Variants in RYR2 observed in about 807,000 individuals in gnomAD.
RYR2 encodes the protein ryanodine receptor 2, also known as cardiac muscle ryanodine receptor-calcium release channel.
Under a neutral mutation model 601.1 loss-of-function variants are expected in RYR2, and 227 were observed. That is an observed-to-expected ratio of 0.38 (90% confidence interval 0.34 to 0.42). RYR2 has a LOEUF of 0.42. Among genes scored for constraint, RYR2 ranks in the 10% least tolerant of loss-of-function variants. RYR2 has a pLI of 1.00. For missense variants in RYR2, 4,646 were observed against 6,156.5 expected (o/e 0.75, Z 8.21); for synonymous variants, 2,223 against 2,175.1 (o/e 1.02, Z -0.61).
chr1:237,134,402 C>T lies in RYR2; in HGVS notation c.48+91833C>T, dbSNP rs142674570. ...CAGTTCCACGTGGCTGGGGAGGCCC[C>T]ACAGTCATGGCGGAAGAGCAAGGGA... On this transcript the variant is annotated intron_variant, in intron 1 of 104. Coordinates refer to ENST00000366574, the MANE Select transcript of RYR2 (RefSeq NM_001035.3). 2.3e-3 allele frequency among the ~76,000 whole-genome samples: 344 copies of T among 152,230 alleles called. 2 individuals carry two copies. The highest frequency in any genetic ancestry group is 6.9e-3 in the African/African-American group (288 of 41,552).
At chr1:237,347,167 T>TA (rs1326953686) in intron 3 of RYR2, among the ~76,000 whole-genome samples, 2 of 151,756 alleles carry the variant, frequency 1.3e-5, no homozygotes, top group Non-Finnish European at 1.5e-5. Flanking sequence ...ACAAAAAATT[T>TA]AAAAAACTAG....
chr1:237,761,719 A>T (rs1693450763), intron 84 of RYR2, among the ~76,000 whole-genome samples: 2 of 152,172 alleles, frequency 1.3e-5, no homozygotes, highest in Admixed American at 6.5e-5. Flanking sequence ...TATTAAGAAA[A>T]AAATCTTCAG....
chr1:237,195,732 A>G (rs1419745608), intron 1 of RYR2, among the ~76,000 whole-genome samples: 1 of 152,156 alleles, frequency 6.6e-6, no homozygotes, highest in Non-Finnish European at 1.5e-5. Context: ...TGGGTTAGCT[A>G]TTTGTCCCCT....
chr1:237,674,697 A>C (rs953028946), intron 59 of RYR2, 34 bp from the exon 60 acceptor site: 2 of 1,235,186 alleles, frequency 1.6e-6, no homozygotes, highest in African/African-American at 3.0e-5. Flanking sequence ...GCTTTGTACA[A>C]ATTGCTTTCC....
At chr1:237,268,051 CT>C (rs1171416395) in intron 1 of RYR2, among the ~76,000 whole-genome samples, 1 of 152,194 alleles carries the variant, frequency 6.6e-6, no homozygotes, top group East Asian at 1.9e-4. Flanking sequence ...TCTTCCGGGG[CT>C]TACTGAGTAA....
chr1:237,510,416 T>G (rs1302412205), intron 23 of RYR2, among the ~76,000 whole-genome samples: 4 of 152,230 alleles, frequency 2.6e-5, no homozygotes, highest in African/African-American at 9.6e-5. Context: ...ACATTCATTT[T>G]TACAAATGCT....
intron 47 of RYR2, 60 bp from the exon 48 acceptor site, chr1:237,643,267 G>C (rs561316167): frequency 6.3e-7 from 1 of 1,587,580 alleles, no homozygotes; most frequent in East Asian, 2.3e-5. Context: ...AGATTTCCTA[G>C]ACAGAATTGT....
chr1:237,527,018 A>G (rs1223727826), intron 24 of RYR2, among the ~76,000 whole-genome samples: 1 of 152,152 alleles, frequency 6.6e-6, no homozygotes, highest in Non-Finnish European at 1.5e-5. Context: ...TCTTCCGCAT[A>G]TGGCTAGCCA....
chr1:237,208,011 C>T (rs55778283), intron 1 of RYR2, among the ~76,000 whole-genome samples: 13,325 of 152,228 alleles, frequency 0.088, 656 homozygotes, highest in East Asian at 0.18. Flanking sequence ...GTGAGGCCCA[C>T]ACAGCTTTCA....
At chr1:237,417,164 A>G in intron 11 of RYR2, 41 bp downstream of exon 11, 2 of 1,464,428 alleles carry the variant, frequency 1.4e-6, no homozygotes, top group East Asian at 4.5e-5. Flanking sequence ...CACCAAGTGT[A>G]CCAAATAGCT....
At chr1:237,710,340 T>C (rs921806846) in intron 70 of RYR2, among the ~76,000 whole-genome samples, 1 of 152,194 alleles carries the variant, frequency 6.6e-6, no homozygotes, top group Non-Finnish European at 1.5e-5. Context: ...AGTTTTATCA[T>C]CTGAGATATC....
At chr1:237,611,042 C>CT (rs1677805223) in intron 36 of RYR2, 54 bp downstream of exon 36, 1 of 1,487,342 alleles carries the variant, frequency 6.7e-7, no homozygotes, top group Non-Finnish European at 9.2e-7. Flanking sequence ...GATTAGCCTG[C>CT]TGCCCGGGGC....
At chr1:237,044,382 G>A (rs564540531) in intron 1 of RYR2, among the ~76,000 whole-genome samples, 3 of 152,136 alleles carry the variant, frequency 2.0e-5, no homozygotes, top group Admixed American at 6.6e-5. Context: ...CTGTTAAGCC[G>A]AGCTCATGGA....
intron 62 of RYR2, among the ~76,000 whole-genome samples, chr1:237,682,835 G>A (rs1686012575): frequency 6.6e-6 from 1 of 152,136 alleles, no homozygotes; most frequent in African/African-American, 2.4e-5. Context: ...CATAGAAAAT[G>A]AGGTGCATAA....
chr1:237,824,519 G>A (rs1455942102), intron 101 of RYR2, among the ~76,000 whole-genome samples: 7 of 147,894 alleles, frequency 4.7e-5, no homozygotes, highest in Admixed American at 6.8e-5. Flanking sequence ...GGTATTGATG[G>A]AAGGTATCTG....
chr1:237,072,013 G>A (rs1365875383), intron 1 of RYR2, among the ~76,000 whole-genome samples: 2 of 152,232 alleles, frequency 1.3e-5, no homozygotes, highest in Admixed American at 1.3e-4. Context: ...GAATGGCCAG[G>A]GAGCAGGCAC....
intron 66 of RYR2, among the ~76,000 whole-genome samples, chr1:237,702,979 G>A (rs1337452144): frequency 6.6e-6 from 1 of 151,694 alleles, no homozygotes; most frequent in Non-Finnish European, 1.5e-5. Flanking sequence ...TATTTTTATG[G>A]TTATGACCTA....
chr1:237,728,361 T>C (rs1690373376), intron 76 of RYR2, among the ~76,000 whole-genome samples: 1 of 152,122 alleles, frequency 6.6e-6, no homozygotes, highest in Admixed American at 6.5e-5. Context: ...CTGTCACCTT[T>C]TGGTCAGATA....
chr1:237,481,654 T>G (rs1410604082), intron 17 of RYR2, among the ~76,000 whole-genome samples: 1 of 152,096 alleles, frequency 6.6e-6, no homozygotes, highest in Non-Finnish European at 1.5e-5. Flanking sequence ...AATGCGTAAG[T>G]TATCACTCAT....
Sources: gnomAD v4.1 joint callset for allele counts (sites outside exome capture counted in the v4.1 genomes callset) on GRCh38, gnomAD v4.1.1 for gene constraint, MANE v1.5 for transcripts, NCBI Gene and HGNC (gene_info 2026-07-23, HGNC 2026-07-21) for gene names.